The following ETS1 variants were observed in gnomAD, a reference collection of about 807,000 sequenced individuals.
ETS1 encodes ETS proto-oncogene 1, transcription factor, also known as protein C-ets-1.
A neutral mutation model predicts 58.6 loss-of-function variants in ETS1; 15 were observed. The ratio of observed to expected loss-of-function variants is 0.26; its 90% CI spans 0.17 to 0.39. ETS1 has a LOEUF of 0.39. Among genes scored for constraint, ETS1 ranks in the 10% least tolerant of loss-of-function variants. The probability of loss-of-function intolerance (pLI) is 1.00; values close to 1 mark genes in which losing one functional copy is unlikely to be tolerated. For synonymous variants in ETS1, 214 were observed against 218.2 expected, an observed-to-expected ratio of 0.98 and a Z score of 0.17; for missense variants, 417 against 610.5, an observed-to-expected ratio of 0.68 and a Z score of 3.34.
chr11:128,585,735 C>T (rs756158728), intron 1 of ETS1, among the ~76,000 whole-genome samples: 1 of 152,116 alleles, frequency 6.6e-6, no homozygotes, highest in Admixed American at 6.5e-5. Flanking sequence ...GTAAACCAGG[C>T]GGGGCGCAAA....
chr11:128,543,224 T>C (rs1591652461), intron 3 of ETS1, among the ~76,000 whole-genome samples: 2 of 150,846 alleles, frequency 1.3e-5, no homozygotes, highest in Non-Finnish European at 1.5e-5. Flanking sequence ...TTTAAAGAGG[T>C]ATTTTTTTAT....
chr11:128,533,293 G>A (rs1437608778), intron 3 of ETS1, among the ~76,000 whole-genome samples: 1 of 152,214 alleles, frequency 6.6e-6, no homozygotes, highest in Non-Finnish European at 1.5e-5. Context: ...CATTGCAGGA[G>A]AGTGTCAGAG....
At chr11:128,486,276 G>A in intron 5 of ETS1, 130 bp from the exon 6 acceptor site, 1 of 623,358 alleles carries the variant, frequency 1.6e-6, no homozygotes, top group African/African-American at 1.8e-5. Flanking sequence ...CTCATTAACT[G>A]GGTTGGTATC....
At chr11:128,507,088 G>A (rs1319185809) in intron 3 of ETS1, among the ~76,000 whole-genome samples, 3 of 152,160 alleles carry the variant, frequency 2.0e-5, no homozygotes, top group African/African-American at 4.8e-5. Flanking sequence ...CAGGAACTGA[G>A]GAAGGTGCAG....
At chr11:128,517,118 G>A (rs1356222060) in intron 3 of ETS1, among the ~76,000 whole-genome samples, 1 of 152,192 alleles carries the variant, frequency 6.6e-6, no homozygotes, top group African/African-American at 2.4e-5. Context: ...GGACTGCCAG[G>A]CCTGGGGACA....
At chr11:128,490,599 A>C in intron 3 of ETS1, 23 bp from the exon 4 acceptor site, 1 of 1,592,760 alleles carries the variant, frequency 6.3e-7, no homozygotes, top group Non-Finnish European at 8.6e-7. Context: ...ATTGCATATG[A>C]ATAACAAAAA....
chr11:128,484,745 A>C (rs1311729953), intron 7 of ETS1, 78 bp downstream of exon 7: 1 of 1,400,888 alleles, frequency 7.1e-7, no homozygotes, highest in African/African-American at 1.4e-5. Flanking sequence ...AGAAAAAAAA[A>C]ATGGAACCTG....
At chr11:128,488,039 G>A (rs1191583198) in intron 5 of ETS1, among the ~76,000 whole-genome samples, 1 of 152,184 alleles carries the variant, frequency 6.6e-6, no homozygotes, top group African/African-American at 2.4e-5. Flanking sequence ...GAGGAAAACA[G>A]CCTCTTAGTA....
intron 3 of ETS1, among the ~76,000 whole-genome samples, chr11:128,554,914 A>G (rs1864288918): frequency 6.6e-6 from 1 of 152,190 alleles, no homozygotes; most frequent in Non-Finnish European, 1.5e-5. Context: ...TCAAATTTTT[A>G]GTCCTTAAGT....
At chr11:128,526,902 AGT>A (rs1364537966) in intron 3 of ETS1, 66 of 456,104 alleles carry the variant, frequency 1.4e-4, no homozygotes, top group Non-Finnish European at 6.6e-5. Flanking sequence ...GTGAAAAATG[AGT>A]GTGAGTGAGG....
intron 2 of ETS1, among the ~76,000 whole-genome samples, chr11:128,572,625 T>C (rs183670205): frequency 2.9e-4 from 44 of 152,378 alleles, no homozygotes; most frequent in African/African-American, 1.0e-3. Context: ...CATAAACTTA[T>C]TGTCATATTC....
intron 8 of ETS1, among the ~76,000 whole-genome samples, chr11:128,472,946 G>A (rs1862226269): frequency 6.6e-6 from 1 of 151,896 alleles, no homozygotes; most frequent in Admixed American, 6.6e-5. Flanking sequence ...ACAGTATTTT[G>A]AATATTTTCT....
chr11:128,478,388 GGAGGGAGGGAGGA>G (rs1862388306), intron 8 of ETS1, among the ~76,000 whole-genome samples: 1 of 119,930 alleles, frequency 8.3e-6, no homozygotes. Flanking sequence ...AGGGAGGAAG[GGAGGGAGGGAGGA>G]AGGGAGGGAG....
At chr11:128,533,438 G>T (rs562679877) in intron 3 of ETS1, among the ~76,000 whole-genome samples, 1 of 152,230 alleles carries the variant, frequency 6.6e-6, no homozygotes, top group East Asian at 1.9e-4. Flanking sequence ...CCGCCAAACA[G>T]ATAAAATCCA....
At position 128,460,609 on chromosome 11, in the gene ETS1, T is replaced by C. The variant is rs981470131; in HGVS notation, c.*1752A>G. 4 of 152,340 alleles carry C rather than the reference T, an allele frequency of 2.6e-5. No individual in the cohort carries two copies. The highest frequency in any genetic ancestry group is 9.7e-5 in the African/African-American group (4 of 41,450). The allele number at this position is 152,340 out of a possible 1,614,324, so 9.4% of individuals were successfully genotyped here. A position where few individuals can be genotyped will look rare whatever the true frequency, so the allele number is the denominator to read the frequency against. ...AACTATAGAGTGAGGGAGATTCTAATTGTATTAGGCACTTTTCCTCACTAG... is the reference window on the plus strand; with the variant it reads ...AACTATAGAGTGAGGGAGATTCTAACTGTATTAGGCACTTTTCCTCACTAG... On this transcript the variant is annotated 3_prime_UTR_variant, in exon 10 of 10. Coordinates refer to ENST00000392668, the MANE Select transcript of ETS1 (RefSeq NM_001143820.2).
At chr11:128,561,219 C>G (rs1864400363) in intron 2 of ETS1, among the ~76,000 whole-genome samples, 1 of 152,118 alleles carries the variant, frequency 6.6e-6, no homozygotes, top group Non-Finnish European at 1.5e-5. Flanking sequence ...GGAATCTGGC[C>G]TCAGGAGAGA....
chr11:128,480,047 A>G, intron 8 of ETS1, 144 bp downstream of exon 8: 1 of 1,113,604 alleles, frequency 9.0e-7, no homozygotes, highest in African/African-American at 1.6e-5. Context: ...AGAGAGACTA[A>G]AGAATTCTTA....
At chr11:128,507,640 T>C (rs549802763) in intron 3 of ETS1, among the ~76,000 whole-genome samples, 1 of 152,294 alleles carries the variant, frequency 6.6e-6, no homozygotes, top group South Asian at 2.1e-4. Context: ...AGGGGAAGCC[T>C]GCTAGAACTG....
chr11:128,460,116 A>ACAACATTCACACACATGCAC lies in ETS1; in HGVS notation c.*2244_*2245insGTGCATGTGTGTGAATGTTG, dbSNP rs1263827756. 1.4e-5 allele frequency: 2 copies of ACAACATTCACACACATGCAC among 142,334 alleles called. No homozygotes were observed. The highest frequency in any genetic ancestry group is 5.1e-5 in the African/African-American group (2 of 39,098). The allele number at this position is 142,334 out of a possible 1,614,324, so 8.8% of individuals were successfully genotyped here. ...CACACACACACACACACACACACAC[A>ACAACATTCACACACATGCAC]ACATTCACACACATGCACACATTCA... On this transcript the variant is annotated 3_prime_UTR_variant, in exon 10 of 10. Transcript: ENST00000392668.
Sources: gnomAD v4.1 joint callset for allele counts (sites outside exome capture counted in the v4.1 genomes callset) on GRCh38, gnomAD v4.1.1 for gene constraint, MANE v1.5 for transcripts, NCBI Gene and HGNC (gene_info 2026-07-23, HGNC 2026-07-21) for gene names.